ALG5: variants seen among roughly 807,000 people sequenced by gnomAD.
ALG5 encodes the protein dolichyl-phosphate beta-glucosyltransferase.
In ALG5, 26 loss-of-function variants were observed where a neutral mutation model predicts 51.8. The observed-to-expected ratio is 0.50, with a 90% CI of 0.37 to 0.70. The LOEUF (loss-of-function observed/expected upper bound fraction) is 0.70, where lower values mean the gene tolerates loss of function less well. Among genes scored for constraint, ALG5 ranks in the 30% least tolerant of loss-of-function variants. The pLI is 0.00. For synonymous variants in ALG5, 141 were observed against 136.1 expected (o/e 1.04, Z -0.25); for missense variants, 311 against 399.3 (o/e 0.78, Z 1.88).
At chr13:36,994,875 C>T (rs889291378) in intron 3 of ALG5, 114 bp downstream of exon 3, 17 of 849,526 alleles carry the variant, frequency 2.0e-5, no homozygotes, top group Non-Finnish European at 2.6e-5. Flanking sequence ...GGTGGCCCAG[C>T]GATCGGGGTG....
chr13:36,998,254 C>CA (rs2059060647), intron 1 of ALG5, among the ~76,000 whole-genome samples: 1 of 152,064 alleles, frequency 6.6e-6, no homozygotes. Context: ...CTTGAAAAAA[C>CA]AAAAAAGCCC....
Position 36,985,671 on chromosome 13 carries a change from C to T in ALG5, c.517G>A (p.Val173Ile). ...TTTAGCCCCTTTTCTAATTTCTCAA[C>T]ATCTGGAAACTTTGTGGCTCCATCA... The part of the protein sequence containing the change: ...DADGATKFPD[V>I]EKLEKGLNDL... Residue 173 changes from valine (V) to isoleucine (I), a missense_variant, in exon 6 of 10, where the codon GTT (valine) becomes ATT (isoleucine). By Grantham distance (29) the Val-to-Ile change is conservative. Transcript: ENST00000239891. The T allele has an allele frequency of 6.2e-7, 1 of 1,613,842 alleles. No individual in the cohort carries two copies. The highest frequency in any genetic ancestry group is 8.5e-7 in the Non-Finnish European group (1 of 1,179,914).
At chr13:36,990,082 C>T (rs1415334140) in intron 4 of ALG5, among the ~76,000 whole-genome samples, 1 of 152,216 alleles carries the variant, frequency 6.6e-6, no homozygotes, top group South Asian at 2.1e-4. Context: ...AAATTCTCTT[C>T]TAAATCTTCA....
chr13:36,998,618 T>C (rs1030817296), intron 1 of ALG5, among the ~76,000 whole-genome samples: 4 of 152,192 alleles, frequency 2.6e-5, no homozygotes, highest in South Asian at 2.1e-4. Flanking sequence ...CTGCCTTGTT[T>C]AGGGGCAGTA....
intron 5 of ALG5, 144 bp downstream of exon 5, chr13:36,989,340 A>C: frequency 1.6e-6 from 1 of 611,084 alleles, no homozygotes. Flanking sequence ...AAATTTGACT[A>C]AAAACATGAA....
intron 6 of ALG5, among the ~76,000 whole-genome samples, chr13:36,977,455 T>C (rs1378708540): frequency 6.6e-6 from 1 of 151,730 alleles, no homozygotes; most frequent in Non-Finnish European, 1.5e-5. Flanking sequence ...GATGGCACCA[T>C]TGCACCCCAG....
chr13:36,965,491 T>C, intron 8 of ALG5, 84 bp downstream of exon 8: 1 of 1,354,740 alleles, frequency 7.4e-7, no homozygotes, highest in Non-Finnish European at 1.0e-6. Flanking sequence ...ACATGTTCAT[T>C]ATAAATATAC....
rs184918455 is a variant in ALG5 at position 36,974,618 on chromosome 13, C to T, written c.562-2582G>A. On this transcript the variant is annotated intron_variant, in intron 6 of 9. Transcript: ENST00000239891. ...TTTATTATGGGTATTTTCAAACATACGCAAAACTAGAAACAAGGGGAAAAT... is the reference window on the plus strand; with the variant it reads ...TTTATTATGGGTATTTTCAAACATATGCAAAACTAGAAACAAGGGGAAAAT... Among the ~76,000 whole-genome samples, 712 of 151,766 alleles carry T rather than the reference C, an allele frequency of 4.7e-3. 7 individuals are homozygous for T. Among genetic ancestry groups the T allele is most frequent in the African/African-American group, 0.016 (669 of 41,348 alleles).
intron 7 of ALG5, 55 bp from the exon 8 acceptor site, chr13:36,965,781 C>A (rs1312767482): frequency 6.8e-7 from 1 of 1,474,258 alleles, no homozygotes; most frequent in African/African-American, 1.4e-5. Flanking sequence ...AAAGGAGACA[C>A]TGAAAACACC....
chr13:36,979,175 C>T lies in ALG5; in HGVS notation c.561+6452G>A, dbSNP rs112951311. Among the ~76,000 whole-genome samples the T allele has an allele frequency of 6.0e-3, 913 of 152,056 alleles. 14 individuals are homozygous for T. Among genetic ancestry groups the T allele is most frequent in the African/African-American group, 0.021 (886 of 41,488 alleles). ...GGGACTACAGGTGTGTGCCACCATG[C>T]ATGGCTAAGTTTTTGTATTTTTAGT... On this transcript the variant is annotated intron_variant, in intron 6 of 9. Coordinates refer to ENST00000239891, the MANE Select transcript of ALG5 (RefSeq NM_013338.5).
At chr13:36,954,318 C>A (rs1197979970) in intron 8 of ALG5, among the ~76,000 whole-genome samples, 1 of 152,048 alleles carries the variant, frequency 6.6e-6, no homozygotes, top group African/African-American at 2.4e-5. Context: ...TATTATCTAG[C>A]CCTCTTTTTG....
At chr13:36,995,754 G>T (rs1215664653) in intron 1 of ALG5, among the ~76,000 whole-genome samples, 158 bp from the exon 2 acceptor site, 2 of 152,118 alleles carry the variant, frequency 1.3e-5, no homozygotes, top group Non-Finnish European at 2.9e-5. Flanking sequence ...TCCAAAATTA[G>T]ACAATAGTGA....
intron 8 of ALG5, chr13:36,952,919 C>T (rs2058824661): frequency 5.4e-6 from 1 of 184,976 alleles, no homozygotes; most frequent in Admixed American, 6.3e-5. Context: ...TCAATCCTAA[C>T]CTTAACTGGA....
At chr13:36,993,811 G>A (rs550552521) in intron 3 of ALG5, 139 bp from the exon 4 acceptor site, 112 of 666,002 alleles carry the variant, frequency 1.7e-4, no homozygotes, top group Middle Eastern at 4.1e-4. Context: ...TGCACAAACC[G>A]CATAAAATAA....
At chr13:36,997,010 A>AC (rs1420558772) in intron 1 of ALG5, among the ~76,000 whole-genome samples, 2 of 152,108 alleles carry the variant, frequency 1.3e-5, no homozygotes, top group Admixed American at 1.3e-4. Flanking sequence ...ATCACTCACA[A>AC]TTTTTTCTTG....
intron 4 of ALG5, among the ~76,000 whole-genome samples, chr13:36,989,818 T>G (rs1325859460): frequency 1.3e-5 from 2 of 152,132 alleles, no homozygotes; most frequent in Non-Finnish European, 2.9e-5. Context: ...GCAATGACCT[T>G]CTTTTCTTGA....
intron 8 of ALG5, among the ~76,000 whole-genome samples, chr13:36,955,686 GAAAAAAAAAAAAA>G (rs35130767): frequency 1.1e-4 from 4 of 36,478 alleles, no homozygotes; most frequent in Non-Finnish European, 1.4e-4. Context: ...CAGAGATTGT[GAAAAAAAAAAAAA>G]AAAAAAAAAA....
chr13:36,992,195 C>G (rs935264228), intron 4 of ALG5, among the ~76,000 whole-genome samples: 2 of 151,786 alleles, frequency 1.3e-5, no homozygotes, highest in African/African-American at 4.9e-5. Context: ...ACATAGTGCT[C>G]TAATTATTTG....
intron 8 of ALG5, among the ~76,000 whole-genome samples, chr13:36,954,575 A>T (rs760639290): frequency 1.3e-5 from 2 of 152,206 alleles, no homozygotes; most frequent in African/African-American, 2.4e-5. Flanking sequence ...ATATCATCAT[A>T]TTATAAGTGC....
Sources: allele counts gnomAD v4.1 joint callset (sites outside exome capture counted in the v4.1 genomes callset), GRCh38; gene constraint gnomAD v4.1.1; transcripts MANE v1.5; gene names NCBI Gene and HGNC (gene_info 2026-07-23, HGNC 2026-07-21).